The following ESRRG variants were observed in gnomAD, a reference collection of about 807,000 sequenced individuals.
ESRRG encodes estrogen-related receptor gamma.
ESRRG carries 13 observed loss-of-function variants against 44.0 expected under a neutral mutation model. That is an observed-to-expected ratio of 0.30 (90% CI 0.19 to 0.47). ESRRG has a LOEUF of 0.47. ESRRG is among the 20% of genes least tolerant of loss of function. ESRRG has a pLI of 1.00. For synonymous variants in ESRRG, 215 were observed against 214.6 expected (o/e 1.00, Z -0.02); for missense variants, 395 against 580.6 (o/e 0.68, Z 3.29).
Position 216,503,711 on chromosome 1 carries a change from T to A in ESRRG, c.*3228A>T, listed in dbSNP as rs2040729086. ...TATAAGAAAAATAGCAGTTTTAAAT[T>A]TTTTATATCTTTTATGTTATCATTT... is the stretch of plus-strand genomic sequence containing the variant. On this transcript the variant is annotated 3_prime_UTR_variant, in exon 7 of 7. Coordinates refer to ENST00000408911, the MANE Select transcript of ESRRG (RefSeq NM_001438.4). 1 of 152,540 alleles carries A rather than the reference T, an allele frequency of 6.6e-6. No homozygotes were observed. The highest frequency in any genetic ancestry group is 1.5e-5 in the Non-Finnish European group (1 of 67,994). 9.4% of individuals were successfully genotyped at this position (152,540 alleles called of 1,614,324 possible).
At chr1:216,785,819 A>G (rs1266811190) in intron 2 of ESRRG, among the ~76,000 whole-genome samples, 1 of 152,096 alleles carries the variant, frequency 6.6e-6, no homozygotes. Flanking sequence ...GGGAAAGGAA[A>G]AAAACACAGA....
intron 3 of ESRRG, among the ~76,000 whole-genome samples, chr1:216,607,637 T>C (rs796256401): frequency 1.1e-4 from 16 of 152,234 alleles, no homozygotes; most frequent in African/African-American, 3.6e-4. Context: ...GAATATTACA[T>C]TTCCTTCTCC....
intron 2 of ESRRG, among the ~76,000 whole-genome samples, chr1:216,746,486 A>G (rs535977832): frequency 1.3e-5 from 2 of 152,344 alleles, no homozygotes; most frequent in African/African-American, 4.8e-5. Flanking sequence ...AAATAACAGA[A>G]GTTACCAAAG....
At chr1:216,926,174 C>T (rs1212410728) in intron 2 of ESRRG, among the ~76,000 whole-genome samples, 1 of 152,194 alleles carries the variant, frequency 6.6e-6, no homozygotes, top group Non-Finnish European at 1.5e-5. Context: ...AACACAGATG[C>T]CAGGCCCCTG....
intron 2 of ESRRG, among the ~76,000 whole-genome samples, chr1:216,770,949 C>T (rs2093354769): frequency 6.6e-6 from 1 of 152,012 alleles, no homozygotes; most frequent in African/African-American, 2.4e-5. Flanking sequence ...TCAAATATTC[C>T]TACTCCAAGC....
intron 2 of ESRRG, among the ~76,000 whole-genome samples, chr1:216,739,952 C>T (rs1457917011): frequency 6.6e-6 from 1 of 152,158 alleles, no homozygotes; most frequent in East Asian, 1.9e-4. Flanking sequence ...CTGTTCCCTG[C>T]AGATTGTCTT....
intron 5 of ESRRG, among the ~76,000 whole-genome samples, chr1:216,528,591 C>A (rs1379109014): frequency 6.6e-6 from 1 of 152,124 alleles, no homozygotes; most frequent in Non-Finnish European, 1.5e-5. Flanking sequence ...AAACAATGCT[C>A]ATTGCTTCTT....
chr1:216,528,858 C>A (rs760378666), intron 5 of ESRRG, among the ~76,000 whole-genome samples: 1 of 152,056 alleles, frequency 6.6e-6, no homozygotes, highest in African/African-American at 2.4e-5. Context: ...CAGTTTAGAA[C>A]AATGGGTCCT....
chr1:216,587,936 T>C (rs2056953788), intron 3 of ESRRG, among the ~76,000 whole-genome samples: 1 of 152,200 alleles, frequency 6.6e-6, no homozygotes, highest in African/African-American at 2.4e-5. Flanking sequence ...TCAATCCTAA[T>C]TCTACATTAA....
chr1:216,799,663 A>G (rs2094562800), intron 2 of ESRRG, among the ~76,000 whole-genome samples: 1 of 152,210 alleles, frequency 6.6e-6, no homozygotes, highest in South Asian at 2.1e-4. Flanking sequence ...AGCCAAGAAC[A>G]CTGGCATATA....
intron 1 of ESRRG, among the ~76,000 whole-genome samples, chr1:217,124,679 C>A (rs999371069): frequency 2.6e-5 from 4 of 152,020 alleles, no homozygotes; most frequent in African/African-American, 9.7e-5. Flanking sequence ...ATAGCCACTG[C>A]CTGAGGAAAA....
intron 2 of ESRRG, among the ~76,000 whole-genome samples, chr1:216,820,099 T>C (rs1485570622): frequency 1.3e-5 from 2 of 152,188 alleles, no homozygotes; most frequent in East Asian, 3.8e-4. Context: ...TATAAAAACA[T>C]AGCCTGGTAA....
chr1:216,826,413 C>G (rs1332352565), intron 2 of ESRRG, among the ~76,000 whole-genome samples: 1 of 152,136 alleles, frequency 6.6e-6, no homozygotes, highest in Non-Finnish European at 1.5e-5. Context: ...GCTGCATGAT[C>G]TGGGCTCACC....
chr1:216,986,635 G>C (rs1249732613), intron 1 of ESRRG, among the ~76,000 whole-genome samples: 2 of 151,186 alleles, frequency 1.3e-5, no homozygotes, highest in Non-Finnish European at 2.9e-5. Context: ...GCTGAGGCTG[G>C]AGGATCGCTT....
intron 2 of ESRRG, among the ~76,000 whole-genome samples, chr1:216,836,695 G>A (rs1193144078): frequency 6.6e-6 from 1 of 152,176 alleles, no homozygotes; most frequent in Non-Finnish European, 1.5e-5. Context: ...ATCAAGTGGT[G>A]CAGTGGCTCC....
chr1:216,725,792 G>A (rs1027254721), upstream of ESRRG, among the ~76,000 whole-genome samples: 2 of 152,082 alleles, frequency 1.3e-5, no homozygotes, highest in African/African-American at 4.8e-5. Context: ...GCATCTTAAT[G>A]TACTCAAAGA....
chr1:217,084,090 T>G (rs949033111), intron 1 of ESRRG, among the ~76,000 whole-genome samples: 1 of 151,684 alleles, frequency 6.6e-6, no homozygotes, highest in Non-Finnish European at 1.5e-5. Flanking sequence ...ATTAGGTTTT[T>G]TTCCCCATTA....
chr1:216,704,430 T>A (rs1274917752), intron 1 of ESRRG, among the ~76,000 whole-genome samples: 1 of 152,076 alleles, frequency 6.6e-6, no homozygotes, highest in East Asian at 1.9e-4. Context: ...GGCAGGAGAA[T>A]CGTTTGAACC....
intron 3 of ESRRG, among the ~76,000 whole-genome samples, chr1:216,606,468 T>C (rs1192612127): frequency 6.6e-6 from 1 of 152,206 alleles, no homozygotes; most frequent in Non-Finnish European, 1.5e-5. Context: ...TGGGATATGT[T>C]TCAAATTGGC....
Sources: allele counts gnomAD v4.1 joint callset (sites outside exome capture counted in the v4.1 genomes callset), GRCh38; gene constraint gnomAD v4.1.1; transcripts MANE v1.5; gene names NCBI Gene and HGNC (gene_info 2026-07-23, HGNC 2026-07-21).